FSIP2: variants seen among roughly 807,000 people sequenced by gnomAD.
FSIP2 encodes fibrous sheath interacting protein 2.
In FSIP2, 367 loss-of-function variants were observed where a neutral mutation model predicts 510.5. That is an observed-to-expected ratio of 0.72 (90% confidence interval 0.66 to 0.78). FSIP2 has a LOEUF of 0.78. FSIP2 is among the 30% of genes least tolerant of loss of function. FSIP2 has a pLI of 0.00. For synonymous variants in FSIP2, 2,601 were observed against 2,732.2 expected, an observed-to-expected ratio of 0.95 and a Z score of 1.50; for missense variants, 7,594 against 7,901.7, an observed-to-expected ratio of 0.96 and a Z score of 1.48.
chr2:185,804,287 T>G lies in FSIP2; in HGVS notation c.14981T>G (p.Leu4994Arg). The change falls in exon 17 of 23, where the codon CTG (leucine) becomes CGG (arginine). Residue 4994 changes from leucine to arginine, a missense_variant. Physicochemically the swap from Leu to Arg is moderately radical, Grantham distance 102. Coordinates refer to ENST00000424728, the MANE Select transcript of FSIP2 (RefSeq NM_173651.4). ...ACAACATTGGTAAATTCAATTGTTCTGGAGTTCACCACATCAGAGATTTTA... is the reference window on the plus strand; with the variant it reads ...ACAACATTGGTAAATTCAATTGTTCGGGAGTTCACCACATCAGAGATTTTA... ...IVTTLVNSIV[L>R]EFTTSEILVA... 1 of 1,527,254 alleles carries G rather than the reference T, an allele frequency of 6.5e-7. No homozygotes were observed. The highest frequency in any genetic ancestry group is 8.8e-7 in the Non-Finnish European group (1 of 1,142,846). 94.6% of individuals were successfully genotyped at this position (1,527,254 alleles called of 1,614,324 possible). A position where few individuals can be genotyped will look rare whatever the true frequency, so the allele number is the denominator to read the frequency against.
intron 21 of FSIP2, among the ~76,000 whole-genome samples, chr2:185,828,841 G>T (rs772440978): frequency 6.6e-6 from 1 of 151,614 alleles, no homozygotes; most frequent in Non-Finnish European, 1.5e-5. Context: ...AACACCCTTC[G>T]AGTGGGTCCT....
chr2:185,809,058 T>C lies in FSIP2; in HGVS notation c.19752T>C (p.Pro6584=). Residue 6584 remains proline (P), a synonymous_variant, in exon 17 of 23, where the codon CCT becomes CCC. Coordinates refer to ENST00000424728, the MANE Select transcript of FSIP2 (RefSeq NM_173651.4). ...ISGRNYSLGS[P]DLEKRKTERR... ...GGAGAAATTACTCCTTAGGATCACCTGATTTAGAAAAGAGAAAGACAGAAA... is the reference window on the plus strand; with the variant it reads ...GGAGAAATTACTCCTTAGGATCACCCGATTTAGAAAAGAGAAAGACAGAAA... 1 of 1,608,314 alleles carries C rather than the reference T, an allele frequency of 6.2e-7. No individual in the cohort carries two copies. Among genetic ancestry groups the C allele is most frequent in the Non-Finnish European group, 8.5e-7 (1 of 1,178,212 alleles).
In FSIP2 at chr2:185,804,145, G is replaced by A; in HGVS notation, c.14839G>A (p.Val4947Ile). 6.6e-7 allele frequency: 1 copy of A among 1,513,774 alleles called. No homozygotes were observed. The highest frequency in any genetic ancestry group is 8.8e-7 in the Non-Finnish European group (1 of 1,137,350). The allele number at this position is 1,513,774 out of a possible 1,614,324, so 93.8% of individuals were successfully genotyped here. Residue 4947 changes from valine to isoleucine, a missense_variant, in exon 17 of 23, where the codon GTC becomes ATC. Transcript: ENST00000424728. ...ATTATCTTTTATTGTGAACTCATCT[G>A]TCTTTTTGGAGGAAGTAATTTCTGA... ...RELSFIVNSS[V>I]FLEEVISELL... is the part of the protein sequence containing the mutation.
At position 185,828,187 on chromosome 2, in the gene FSIP2, A is replaced by C. The variant is rs767954624; in HGVS notation, c.20505A>C (p.Gly6835=). The change falls in exon 21 of 23, where the codon GGA becomes GGC. Residue 6835 remains glycine, a synonymous_variant. Coordinates refer to ENST00000424728, the MANE Select transcript of FSIP2 (RefSeq NM_173651.4). Reference sequence around the variant, plus strand: ...CTCAGGAACAAAAGCCAGAGCATGGAAACAGTGTTAAGGTAAGTATTTTTA... The same window carrying C: ...CTCAGGAACAAAAGCCAGAGCATGGCAACAGTGTTAAGGTAAGTATTTTTA... ...ESSQEQKPEH[G]NSVKFITIFE... is the part of the protein sequence containing the mutation. 5.1e-6 allele frequency: 8 copies of C among 1,580,100 alleles called. No homozygotes were observed. Among genetic ancestry groups the C allele is most frequent in the Non-Finnish European group, 5.2e-6 (6 of 1,150,512 alleles).
At chr2:185,743,404 G>A in intron 3 of FSIP2, 110 bp downstream of exon 3, 1 of 535,742 alleles carries the variant, frequency 1.9e-6, no homozygotes, top group Non-Finnish European at 3.0e-6. Flanking sequence ...ACTTGGTCAT[G>A]AGACAATACT....
Position 185,758,329 on chromosome 2 carries a change from G to A in FSIP2, c.1078+2051G>A, listed in dbSNP as rs192187276. On this transcript the variant is annotated intron_variant, in intron 9 of 22. Coordinates refer to ENST00000424728, the MANE Select transcript of FSIP2 (RefSeq NM_173651.4). ...ATCAAGGGGTGATAGTTGAAGTACG[G>A]ACCCCTTGCACAGTAAAAAAAAACT... is the stretch of plus-strand genomic sequence containing the variant. Among the ~76,000 whole-genome samples the A allele has an allele frequency of 2.7e-3, 411 of 151,076 alleles. 4 individuals carry two copies. In the Middle Eastern group the frequency reaches 0.051, roughly 19 times the overall value.
At position 185,806,769 on chromosome 2, in the gene FSIP2, A is replaced by T; in HGVS notation, c.17463A>T (p.Gln5821His). ...AAAATGTTAGTGATAAGCAAAATCA[A>T]GCCAAACTCTATGACACTGCTATGA... ...RCQNVSDKQN[Q>H]AKLYDTAMKL... The change falls in exon 17 of 23, where the codon CAA (glutamine) becomes CAT (histidine). Residue 5821 changes from glutamine (Q) to histidine (H), a missense_variant. By Grantham distance (24) the Gln-to-His change is conservative. Transcript: ENST00000424728. 1 of 1,611,974 alleles carries T rather than the reference A, an allele frequency of 6.2e-7. No homozygotes were observed. Among genetic ancestry groups the T allele is most frequent in the Non-Finnish European group, 8.5e-7 (1 of 1,178,732 alleles).
At chr2:185,763,905 C>T (rs1294154588) in intron 12 of FSIP2, among the ~76,000 whole-genome samples, 1 of 151,364 alleles carries the variant, frequency 6.6e-6, no homozygotes, top group Non-Finnish European at 1.5e-5. Context: ...GTATGTTTAC[C>T]ACAATGCGAT....
At position 185,794,667 on chromosome 2, in the gene FSIP2, A is replaced by G. The variant is rs1693223830; in HGVS notation, c.7531A>G (p.Thr2511Ala). The G allele has an allele frequency of 6.5e-7, 1 of 1,532,840 alleles. No individual in the cohort carries two copies. Among genetic ancestry groups the G allele is most frequent in the African/African-American group, 1.4e-5 (1 of 72,786 alleles). The allele number at this position is 1,532,840 out of a possible 1,614,324, so 95.0% of individuals were successfully genotyped here. ...VTGHLPPLNETANFISNSKIK... is the reference protein window; with the variant it reads ...VTGHLPPLNEAANFISNSKIK... ...AGGCCATTTGCCTCCACTTAATGAA[A>G]CTGCCAACTTTATATCTAATTCTAA... The change falls in exon 16 of 23, where the codon ACT (threonine) becomes GCT (alanine). Residue 2511 changes from threonine (T) to alanine (A), a missense_variant. Thr to Ala is a moderately conservative substitution (Grantham distance 58). Transcript: ENST00000424728.
chr2:185,760,211 A>C (rs1204195025), intron 9 of FSIP2, among the ~76,000 whole-genome samples: 1 of 150,282 alleles, frequency 6.7e-6, no homozygotes, highest in Non-Finnish European at 1.5e-5. Context: ...TATGTTTTTA[A>C]AAAATTTTAC....
Position 185,763,294 on chromosome 2 carries a change from A to G in FSIP2, c.1347+5A>G, listed in dbSNP as rs997031096. On this transcript the variant is annotated splice_donor_5th_base_variant and intron_variant, in intron 12 of 22. Transcript: ENST00000424728. ...TTGGATCCTTCAAAAGAAGAGGTAT[A>G]TAACAGTTCTTTTACCCCAAATACA... is the stretch of plus-strand genomic sequence containing the variant. 6 of 1,240,542 alleles carry G rather than the reference A, an allele frequency of 4.8e-6. No individual in the cohort carries two copies. Among genetic ancestry groups the G allele is most frequent in the Middle Eastern group, 1.8e-4 (1 of 5,452 alleles). 76.8% of individuals were successfully genotyped at this position (1,240,542 alleles called of 1,614,324 possible). A position where few individuals can be genotyped will look rare whatever the true frequency, so the allele number is the denominator to read the frequency against.
At position 185,799,865 on chromosome 2, in the gene FSIP2, A is replaced by C; in HGVS notation, c.10559A>C (p.Lys3520Thr). The change falls in exon 17 of 23, where the codon AAG becomes ACG. Residue 3520 changes from lysine (K) to threonine (T), a missense_variant. Lys to Thr is a moderately conservative substitution (Grantham distance 78). Coordinates refer to ENST00000424728, the MANE Select transcript of FSIP2 (RefSeq NM_173651.4). ...TCGAGCATTTCTGATGGCACCAAAA[A>C]GGGTAGAGAAAAAGAGAAAGCATGG... Reference protein sequence around the residue: ...LTSSISDGTKKGREKEKAWEI... With the variant: ...LTSSISDGTKTGREKEKAWEI... The C allele has an allele frequency of 6.5e-7, 1 of 1,533,378 alleles. No homozygotes were observed. Among genetic ancestry groups the C allele is most frequent in the East Asian group, 2.5e-5 (1 of 40,760 alleles). 95.0% of individuals were successfully genotyped at this position (1,533,378 alleles called of 1,614,324 possible).
Position 185,800,658 on chromosome 2 carries a change from A to G in FSIP2, c.11352A>G (p.Ser3784=). 6 of 1,534,202 alleles carry G rather than the reference A, an allele frequency of 3.9e-6. No homozygotes were observed. Among genetic ancestry groups the G allele is most frequent in the Non-Finnish European group, 5.2e-6 (6 of 1,145,668 alleles). The change falls in exon 17 of 23, where the codon TCA becomes TCG. Residue 3784 remains serine (S), a synonymous_variant. Coordinates refer to ENST00000424728, the MANE Select transcript of FSIP2 (RefSeq NM_173651.4). ...AAGGGTCTGTTTCAGAGGAAACATC[A>G]GCAGAAGAATGTCAACTTTTAAAAA... is the stretch of plus-strand genomic sequence containing the variant. ...PDKGSVSEET[S]AEECQLLKML... is the part of the protein sequence containing the mutation.
intron 9 of FSIP2, among the ~76,000 whole-genome samples, chr2:185,756,930 A>G (rs1223648537): frequency 6.6e-6 from 1 of 151,344 alleles, no homozygotes; most frequent in Admixed American, 6.6e-5. Flanking sequence ...CGAGTATGCA[A>G]TTTGCTTAGT....
chr2:185,830,085 G>A (rs533411675), intron 21 of FSIP2, among the ~76,000 whole-genome samples: 9 of 151,666 alleles, frequency 5.9e-5, no homozygotes, highest in Non-Finnish European at 1.3e-4. Context: ...TGAGAGGCAG[G>A]GTAGGATGTA....
At chr2:185,770,204 G>A (rs1318954695) in intron 13 of FSIP2, among the ~76,000 whole-genome samples, 1 of 152,140 alleles carries the variant, frequency 6.6e-6, no homozygotes, top group Non-Finnish European at 1.5e-5. Context: ...CTATCTATGA[G>A]CATAGTACCT....
chr2:185,762,083 A>G (rs1692363586), intron 11 of FSIP2, 66 bp downstream of exon 11: 1 of 755,958 alleles, frequency 1.3e-6, no homozygotes, highest in Non-Finnish European at 2.1e-6. Flanking sequence ...TTTATTATAT[A>G]TTTTAAGTTG....
rs532277502 is a variant in FSIP2 at position 185,808,146 on chromosome 2, C to G, written c.18840C>G (p.Val6280=). The change falls in exon 17 of 23, where the codon GTC becomes GTG. Residue 6280 remains valine, a synonymous_variant. Transcript: ENST00000424728. ...VFKDLMGKSN[V]LSDTIGFLMV... ...AAGATTTAATGGGTAAAAGCAATGTCCTCTCTGATACAATAGGCTTTTTAA... is the reference window on the plus strand; with the variant it reads ...AAGATTTAATGGGTAAAAGCAATGTGCTCTCTGATACAATAGGCTTTTTAA... The G allele has an allele frequency of 6.2e-7, 1 of 1,609,974 alleles. No homozygotes were observed. The highest frequency in any genetic ancestry group is 1.1e-5 in the South Asian group (1 of 90,270).
chr2:185,791,913 C>A lies in FSIP2; in HGVS notation c.4777C>A (p.Leu1593Met), dbSNP rs1438140630. ...SDILNMVFAK[L>M]EGFANGHLEI... is the part of the protein sequence containing the mutation. ...TATTCTTAATATGGTTTTTGCTAAA[C>A]TGGAAGGGTTTGCCAACGGACATTT... The change falls in exon 16 of 23, where the codon CTG becomes ATG. Residue 1593 changes from leucine (L) to methionine (M), a missense_variant. Transcript: ENST00000424728. 1 of 1,533,814 alleles carries A rather than the reference C, an allele frequency of 6.5e-7. No homozygotes were observed. Among genetic ancestry groups the A allele is most frequent in the Admixed American group, 2.0e-5 (1 of 50,824 alleles).
Sources: allele counts gnomAD v4.1 joint callset (sites outside exome capture counted in the v4.1 genomes callset), GRCh38; gene constraint gnomAD v4.1.1; transcripts MANE v1.5; gene names NCBI Gene and HGNC (gene_info 2026-07-23, HGNC 2026-07-21).